FGD5: variants seen among roughly 807,000 people sequenced by gnomAD.
FGD5 encodes the protein FYVE, RhoGEF and PH domain containing 5.
A neutral mutation model predicts 133.4 loss-of-function variants in FGD5; 28 were observed. That is an observed-to-expected ratio of 0.21 (90% CI 0.16 to 0.29). The LOEUF is 0.29. FGD5 is among the 10% of genes least tolerant of loss of function. The pLI, the probability that FGD5 is intolerant of heterozygous loss-of-function variation, is 1.00. For missense variants in FGD5, 1,858 were observed against 1,895.2 expected, an observed-to-expected ratio of 0.98 and a Z score of 0.36; for synonymous variants, 810 against 776.5, an observed-to-expected ratio of 1.04 and a Z score of -0.72.
intron 4 of FGD5, among the ~76,000 whole-genome samples, chr3:14,882,056 C>G (rs1477023666): frequency 6.6e-6 from 1 of 152,220 alleles, no homozygotes; most frequent in East Asian, 1.9e-4. Context: ...GCTCTCGGCC[C>G]CTCATTTTTG....
chr3:14,888,509 C>T (rs2037966243), intron 4 of FGD5, among the ~76,000 whole-genome samples: 3 of 152,192 alleles, frequency 2.0e-5, no homozygotes. Context: ...CTCCATTTTG[C>T]TCCAGATACA....
chr3:14,903,203 C>T (rs1410092463), intron 9 of FGD5, among the ~76,000 whole-genome samples: 1 of 152,208 alleles, frequency 6.6e-6, no homozygotes, highest in Non-Finnish European at 1.5e-5. Context: ...GTCTGCACCC[C>T]AGCCGCTGGT....
chr3:14,930,276 G>A (rs2038881019), intron 18 of FGD5, among the ~76,000 whole-genome samples: 3 of 152,184 alleles, frequency 2.0e-5, no homozygotes, highest in African/African-American at 7.2e-5. Flanking sequence ...AAGTCAGGTT[G>A]TGTAAGTCCT....
chr3:14,883,456 A>G (rs531133957), intron 4 of FGD5, among the ~76,000 whole-genome samples: 182 of 152,228 alleles, frequency 1.2e-3, no homozygotes, highest in African/African-American at 4.0e-3. Flanking sequence ...CCTTTCATCT[A>G]TTCATGCATC....
At chr3:14,884,371 C>T (rs1236615024) in intron 4 of FGD5, among the ~76,000 whole-genome samples, 3 of 152,180 alleles carry the variant, frequency 2.0e-5, no homozygotes, top group Non-Finnish European at 4.4e-5. Flanking sequence ...CACAGGAGGC[C>T]CACATGACCT....
chr3:14,875,043 C>T (rs1295599885), intron 2 of FGD5, among the ~76,000 whole-genome samples: 2 of 152,172 alleles, frequency 1.3e-5, no homozygotes, highest in Non-Finnish European at 2.9e-5. Flanking sequence ...TCTGAGTTTT[C>T]CAGCAGCTGT....
intron 1 of FGD5, among the ~76,000 whole-genome samples, chr3:14,833,408 C>T (rs1352959068): frequency 1.3e-5 from 2 of 152,322 alleles, no homozygotes; most frequent in South Asian, 2.1e-4. Flanking sequence ...AAACGACACA[C>T]GCACACATTA....
Position 14,884,884 on chromosome 3 carries a change from C to T in FGD5, c.2748+4112C>T, listed in dbSNP as rs145779263. Among the ~76,000 whole-genome samples the T allele has an allele frequency of 8.2e-3, 1,249 of 152,172 alleles. 8 individuals carry two copies. Among genetic ancestry groups the T allele is most frequent in the Non-Finnish European group, 0.012 (824 of 68,008 alleles). ...CAGGATGTGGGCAAACTCACGACTG[C>T]GCCTGCCGACAAAAAGTTTGCTGGA... On this transcript the variant is annotated intron_variant, in intron 4 of 19. Transcript: ENST00000285046.
At chr3:14,859,926 T>G (rs985180808) in intron 1 of FGD5, among the ~76,000 whole-genome samples, 6 of 152,218 alleles carry the variant, frequency 3.9e-5, no homozygotes, top group Non-Finnish European at 8.8e-5. Flanking sequence ...CAACAACTGT[T>G]TCCATGTCAT....
chr3:14,911,783 C>T (rs2125145064), intron 11 of FGD5, among the ~76,000 whole-genome samples: 1 of 148,216 alleles, frequency 6.7e-6, no homozygotes, highest in African/African-American at 2.5e-5. Flanking sequence ...ATGGAGGGAT[C>T]TCGGGTGCCG....
intron 1 of FGD5, among the ~76,000 whole-genome samples, chr3:14,848,480 A>G (rs1240480513): frequency 1.3e-5 from 2 of 151,966 alleles, no homozygotes; most frequent in East Asian, 3.9e-4. Context: ...CAGAACCCAA[A>G]TGGGAGAACC....
chr3:14,854,684 T>G (rs375959271), intron 1 of FGD5, among the ~76,000 whole-genome samples: 2 of 152,134 alleles, frequency 1.3e-5, no homozygotes, highest in Non-Finnish European at 2.9e-5. Flanking sequence ...CCTTCCAAAG[T>G]GCTGGGATTA....
chr3:14,851,435 C>T (rs2037161340), intron 1 of FGD5, among the ~76,000 whole-genome samples: 1 of 152,236 alleles, frequency 6.6e-6, no homozygotes, highest in Non-Finnish European at 1.5e-5. Context: ...CCCTTTACCA[C>T]TGTCCTTTAC....
At chr3:14,880,702 A>T (rs2037808400) in intron 3 of FGD5, 40 bp from the exon 4 acceptor site, 6 of 1,614,030 alleles carry the variant, frequency 3.7e-6, no homozygotes, top group Non-Finnish European at 5.1e-6. Context: ...CTTACACAGG[A>T]TGGGGATTAA....
intron 4 of FGD5, among the ~76,000 whole-genome samples, chr3:14,888,765 A>G (rs1227399605): frequency 4.6e-5 from 7 of 152,214 alleles, no homozygotes; most frequent in Non-Finnish European, 7.3e-5. Context: ...AAGATCAGCA[A>G]GATGTGTATT....
chr3:14,865,797 C>T (rs1329180765), intron 2 of FGD5, among the ~76,000 whole-genome samples: 1 of 152,222 alleles, frequency 6.6e-6, no homozygotes, highest in Non-Finnish European at 1.5e-5. Flanking sequence ...GCTCCAAGTC[C>T]AGTGTTGCCT....
chr3:14,870,503 A>G (rs1486139289), intron 2 of FGD5, among the ~76,000 whole-genome samples: 1 of 152,118 alleles, frequency 6.6e-6, no homozygotes, highest in Non-Finnish European at 1.5e-5. Flanking sequence ...CCTCCTTGGG[A>G]ACAAACATCC....
chr3:14,893,023 C>T (rs2038059708), intron 4 of FGD5, among the ~76,000 whole-genome samples: 1 of 152,194 alleles, frequency 6.6e-6, no homozygotes, highest in African/African-American at 2.4e-5. Context: ...ATATGCATTG[C>T]TCCACAGCTC....
chr3:14,819,212 T>C lies in FGD5; in HGVS notation c.141T>C (p.Asp47=), dbSNP rs1210653918. The change falls in exon 1 of 20, where the codon GAT becomes GAC. Residue 47 remains aspartate (D), a synonymous_variant. Coordinates refer to ENST00000285046, the MANE Select transcript of FGD5 (RefSeq NM_152536.4). The surrounding 1 kb of genome is among the most constrained non-coding windows in gnomAD (Gnocchi z 4.1). ...TGCCCTGTGTAGACAGGGGGCTTGA[T>C]GAGGGGCCCCGGTCCATCCCAAAGT... ...GRLPCVDRGL[D]EGPRSIPKCS... 9 of 1,549,770 alleles carry C rather than the reference T, an allele frequency of 5.8e-6. No homozygotes were observed. In the East Asian group the frequency reaches 7.3e-5, roughly 13 times the overall value.
Sources: gnomAD v4.1 joint callset for allele counts (sites outside exome capture counted in the v4.1 genomes callset) on GRCh38, gnomAD v4.1.1 for gene constraint, Gnocchi (gnomAD v3.1) non-coding constraint, MANE v1.5 for transcripts, NCBI Gene and HGNC (gene_info 2026-07-23, HGNC 2026-07-21) for gene names.